FYN: variants seen among roughly 807,000 people sequenced by gnomAD.
The protein encoded by FYN is FYN proto-oncogene, Src family tyrosine kinase.
Under a neutral mutation model 70.2 loss-of-function variants are expected in FYN, and 10 were observed. The ratio of observed to expected loss-of-function variants is 0.14; its 90% CI spans 0.09 to 0.24. The LOEUF (loss-of-function observed/expected upper bound fraction) is 0.24, where lower values mean the gene tolerates loss of function less well. Among genes scored for constraint, FYN ranks in the 10% least tolerant of loss-of-function variants. FYN has a pLI of 1.00. For missense variants in FYN, 319 were observed against 673.1 expected (o/e 0.47, Z 5.82); for synonymous variants, 236 against 248.6 (o/e 0.95, Z 0.48).
At chr6:111,860,434 T>C (rs1006321995) in intron 1 of FYN, among the ~76,000 whole-genome samples, 4 of 152,084 alleles carry the variant, frequency 2.6e-5, no homozygotes, top group Non-Finnish European at 5.9e-5. Flanking sequence ...ATCTCAAGTG[T>C]GTGGAAGGAA....
intron 3 of FYN, among the ~76,000 whole-genome samples, chr6:111,729,472 CAAA>C (rs1343473253): frequency 4.0e-5 from 3 of 75,856 alleles, no homozygotes; most frequent in Admixed American, 1.4e-4. Context: ...GAGACTGCCT[CAAA>C]AAAAAAAAAA....
At chr6:111,726,039 T>C (rs1297056269) in intron 3 of FYN, among the ~76,000 whole-genome samples, 1 of 152,166 alleles carries the variant, frequency 6.6e-6, no homozygotes, top group African/African-American at 2.4e-5. Context: ...GAAGGGGCTA[T>C]GTGGCCAGAC....
intron 13 of FYN, among the ~76,000 whole-genome samples, chr6:111,673,667 A>C (rs1018256175): frequency 1.8e-5 from 2 of 110,694 alleles, no homozygotes; most frequent in Non-Finnish European, 3.6e-5. Flanking sequence ...TTACGCAGGG[A>C]ATGAGGGGGA....
chr6:111,754,208 A>T (rs1368319218), intron 3 of FYN, among the ~76,000 whole-genome samples: 1 of 151,794 alleles, frequency 6.6e-6, no homozygotes, highest in African/African-American at 2.4e-5. Context: ...TGAATGTGGA[A>T]CTCTTCTACT....
intron 3 of FYN, among the ~76,000 whole-genome samples, chr6:111,741,251 T>C (rs1370683067): frequency 6.6e-6 from 1 of 152,192 alleles, no homozygotes; most frequent in African/African-American, 2.4e-5. Flanking sequence ...TTGTTTATTA[T>C]CTACCTCCAC....
At chr6:111,711,218 A>AT (rs1484444544) in intron 5 of FYN, among the ~76,000 whole-genome samples, 1 of 152,054 alleles carries the variant, frequency 6.6e-6, no homozygotes, top group African/African-American at 2.4e-5. Flanking sequence ...GTCGGTAACA[A>AT]TTTTATCAAA....
At chr6:111,742,049 C>A (rs1458445752) in intron 3 of FYN, among the ~76,000 whole-genome samples, 2 of 152,182 alleles carry the variant, frequency 1.3e-5, no homozygotes, top group Admixed American at 6.5e-5. Context: ...TTTCACACCC[C>A]CTTCCAGAAG....
chr6:111,794,574 G>C (rs2128516175), intron 2 of FYN, among the ~76,000 whole-genome samples: 1 of 152,280 alleles, frequency 6.6e-6, no homozygotes, highest in East Asian at 1.9e-4. Flanking sequence ...GCCTGCTTTT[G>C]TACAGTCCAT....
chr6:111,669,438 CAAAAAAAAA>C (rs10690295), intron 13 of FYN, among the ~76,000 whole-genome samples: 1 of 56,868 alleles, frequency 1.8e-5, no homozygotes, highest in Non-Finnish European at 3.2e-5. Context: ...CCATCCATCT[CAAAAAAAAA>C]AAAAAAAAAA....
chr6:111,710,173 G>A (rs9387028), intron 5 of FYN, among the ~76,000 whole-genome samples: 5,837 of 152,240 alleles, frequency 0.038, 165 homozygotes, highest in East Asian at 0.13. Context: ...AAAATTAAGT[G>A]CTTGTAGCAG....
At chr6:111,774,898 T>C (rs931137884) in intron 3 of FYN, among the ~76,000 whole-genome samples, 6 of 152,148 alleles carry the variant, frequency 3.9e-5, no homozygotes, top group African/African-American at 1.4e-4. Context: ...TTTGCATTTT[T>C]AGTAGAGATG....
At chr6:111,816,145 A>G (rs17072940) in intron 2 of FYN, among the ~76,000 whole-genome samples, 6,990 of 152,260 alleles carry the variant, frequency 0.046, 185 homozygotes, top group East Asian at 0.14. Flanking sequence ...ATTTTTTTTA[A>G]GTACTCCTTA....
At chr6:111,674,058 C>T (rs1193216859) in intron 13 of FYN, among the ~76,000 whole-genome samples, 1 of 152,190 alleles carries the variant, frequency 6.6e-6, no homozygotes, top group Non-Finnish European at 1.5e-5. Context: ...GGTCCTGGCA[C>T]CTTCCTGCCA....
chr6:111,700,058 TTCC>T (rs755780621), intron 9 of FYN, 43 bp downstream of exon 9: 8 of 1,578,894 alleles, frequency 5.1e-6, no homozygotes, highest in Non-Finnish European at 5.2e-6. Flanking sequence ...GTTTGGGATC[TTCC>T]AAACGGGGAA....
chr6:111,660,708 A>C lies in FYN; in HGVS notation c.*1031T>G, dbSNP rs1483143028. 6.6e-6 allele frequency: 1 copy of C among 152,204 alleles called. No individual in the cohort carries two copies. Among genetic ancestry groups the C allele is most frequent in the Non-Finnish European group, 1.5e-5 (1 of 68,054 alleles). 9.4% of individuals were successfully genotyped at this position (152,204 alleles called of 1,614,324 possible). ...ACCCCCACCCTCATTTCCCCCAGAAATTTTAGTTGCATGAGAAAGTTTAGC... is the reference window on the plus strand; with the variant it reads ...ACCCCCACCCTCATTTCCCCCAGAACTTTTAGTTGCATGAGAAAGTTTAGC... On this transcript the variant is annotated 3_prime_UTR_variant, in exon 14 of 14. Coordinates refer to ENST00000354650, the MANE Select transcript of FYN (RefSeq NM_002037.5).
At position 111,714,330 on chromosome 6, in the gene FYN, T is replaced by C; in HGVS notation, c.344+17A>G. 6.4e-7 allele frequency: 1 copy of C among 1,568,614 alleles called. No individual in the cohort carries two copies. Among genetic ancestry groups the C allele is most frequent in the Non-Finnish European group, 8.8e-7 (1 of 1,138,736 alleles). ...ACCTGAAAGGTATACATGCTTCTCC[T>C]CCCTCTCCAAACTTACGAGCTGTTC... On this transcript the variant is annotated intron_variant, in intron 5 of 13. Transcript: ENST00000354650.
At chr6:111,761,568 C>T (rs910612711) in intron 3 of FYN, among the ~76,000 whole-genome samples, 1 of 152,156 alleles carries the variant, frequency 6.6e-6, no homozygotes, top group African/African-American at 2.4e-5. Flanking sequence ...CCTGGTGTGA[C>T]CATAGTTTTA....
chr6:111,821,019 T>TA (rs931888408), intron 2 of FYN, among the ~76,000 whole-genome samples: 21 of 152,098 alleles, frequency 1.4e-4, no homozygotes, highest in African/African-American at 4.6e-4. Context: ...TAATTTTTTT[T>TA]AAAAAAGACT....
At position 111,843,370 on chromosome 6, in the gene FYN, T is replaced by G. The variant is rs541895999; in HGVS notation, c.-82+3219A>C. Reference sequence around the variant, plus strand: ...GTTCTGATACAACTTGATTACATATTTTTCAATTTTTAAATGGGTATGGGT... The same window carrying G: ...GTTCTGATACAACTTGATTACATATGTTTCAATTTTTAAATGGGTATGGGT... On this transcript the variant is annotated intron_variant, in intron 2 of 13. Coordinates refer to ENST00000354650, the MANE Select transcript of FYN (RefSeq NM_002037.5). Among the ~76,000 whole-genome samples the G allele has an allele frequency of 2.3e-4, 35 of 152,340 alleles. 1 individual carries two copies. In the South Asian group the frequency reaches 7.2e-3, roughly 32 times the overall value.
Sources: gnomAD v4.1 joint callset for allele counts (sites outside exome capture counted in the v4.1 genomes callset) on GRCh38, gnomAD v4.1.1 for gene constraint, MANE v1.5 for transcripts, NCBI Gene and HGNC (gene_info 2026-07-23, HGNC 2026-07-21) for gene names.